The following EML6 variants were observed in gnomAD, a reference collection of about 807,000 sequenced individuals.
EML6 encodes the protein echinoderm microtubule-associated protein-like 6.
Under a neutral mutation model 240.1 loss-of-function variants are expected in EML6, and 154 were observed. The observed-to-expected ratio is 0.64, with a 90% CI of 0.56 to 0.73. The LOEUF (loss-of-function observed/expected upper bound fraction) is 0.73. Ranked by LOEUF, EML6 falls within the 30% of genes least tolerant of loss-of-function variation. EML6 has a pLI of 0.00. For missense variants in EML6, 2,964 were observed against 2,474.6 expected (o/e 1.20, Z -4.20); for synonymous variants, 1,148 against 899.0 (o/e 1.28, Z -4.95).
chr2:54,756,307 T>C (rs553883324), intron 2 of EML6, among the ~76,000 whole-genome samples: 1 of 152,350 alleles, frequency 6.6e-6, no homozygotes, highest in South Asian at 2.1e-4. Context: ...TCGACTGTGC[T>C]CTTTAATTTT....
At chr2:54,750,330 C>A (rs1473487078) in intron 2 of EML6, among the ~76,000 whole-genome samples, 1 of 152,204 alleles carries the variant, frequency 6.6e-6, no homozygotes, top group African/African-American at 2.4e-5. Flanking sequence ...ACTCACCAGC[C>A]AGTCTACAGC....
At chr2:54,936,397 A>T (rs933019927) in intron 28 of EML6, among the ~76,000 whole-genome samples, 4 of 152,186 alleles carry the variant, frequency 2.6e-5, no homozygotes, top group Non-Finnish European at 5.9e-5. Flanking sequence ...ACATAGGTGG[A>T]TGTCCTCATT....
intron 2 of EML6, among the ~76,000 whole-genome samples, chr2:54,764,858 A>G (rs1466014801): frequency 6.6e-6 from 1 of 152,288 alleles, no homozygotes; most frequent in East Asian, 1.9e-4. Context: ...TCTATTTACA[A>G]AACTGCTTAT....
chr2:54,962,782 A>C (rs1676580220), intron 36 of EML6, 71 bp downstream of exon 36: 1 of 1,286,316 alleles, frequency 7.8e-7, no homozygotes. Flanking sequence ...GAGCGAGGAG[A>C]GGCCCAGCCA....
intron 17 of EML6, among the ~76,000 whole-genome samples, chr2:54,883,151 C>G (rs990814391): frequency 1.3e-5 from 2 of 151,990 alleles, no homozygotes; most frequent in East Asian, 1.9e-4. Flanking sequence ...GGAAAATCAT[C>G]TATAATTCCA....
Position 54,725,351 on chromosome 2 carries a change from G to A in EML6, c.197+93G>A. ...ACCTGGGGTCGGATCCGGGAGCCCC[G>A]TGGAATAGAGGATTCTCTCTGGAGC... On this transcript the variant is annotated intron_variant, in intron 2 of 41. Coordinates refer to ENST00000356458, the MANE Select transcript of EML6 (RefSeq NM_001039753.4). The surrounding 1 kb of genome is among the most constrained non-coding windows in gnomAD (Gnocchi z 4.3). 1 of 931,786 alleles carries A rather than the reference G, an allele frequency of 1.1e-6. No individual in the cohort carries two copies. Among genetic ancestry groups the A allele is most frequent in the South Asian group, 2.1e-5 (1 of 47,570 alleles). 57.7% of individuals were successfully genotyped at this position (931,786 alleles called of 1,614,324 possible). A position where few individuals can be genotyped will look rare whatever the true frequency, so the allele number is the denominator to read the frequency against.
intron 26 of EML6, among the ~76,000 whole-genome samples, chr2:54,917,520 G>C (rs989307485): frequency 6.6e-6 from 1 of 151,832 alleles, no homozygotes; most frequent in Admixed American, 6.6e-5. Context: ...CTGCCAGCAC[G>C]CCAGACTAAT....
In EML6 at chr2:54,823,896, C is replaced by A. The variant is rs543840449; in HGVS notation, c.525+3434C>A. ...TCTCTCTTTCTGTCTCTCTCTCTCT[C>A]TCTCAGAGAGAGATCACTACCTCCT... On this transcript the variant is annotated intron_variant, in intron 5 of 41. Coordinates refer to ENST00000356458, the MANE Select transcript of EML6 (RefSeq NM_001039753.4). Among the ~76,000 whole-genome samples the A allele has an allele frequency of 1.1e-4, 16 of 149,386 alleles. 1 individual carries two copies. The South Asian group carries it at 3.4e-3, about 32-fold the overall frequency.
intron 2 of EML6, among the ~76,000 whole-genome samples, chr2:54,807,527 A>G (rs1490874403): frequency 6.6e-6 from 1 of 152,180 alleles, no homozygotes; most frequent in Non-Finnish European, 1.5e-5. Context: ...AGTGATTTCC[A>G]TGATGTAAAT....
chr2:54,774,026 A>G lies in EML6; in HGVS notation c.198-39206A>G, dbSNP rs901213106. Among the ~76,000 whole-genome samples the G allele has an allele frequency of 3.9e-5, 6 of 152,202 alleles. No homozygotes were observed. Among genetic ancestry groups the G allele is most frequent in the African/African-American group, 1.4e-4 (6 of 41,436 alleles). ...CCTTCATGTCTGCATTCCAGCCAGC[A>G]GGAGGAGAAAGAGGGGCACTGCTAA... is the stretch of plus-strand genomic sequence containing the variant. On this transcript the variant is annotated intron_variant, in intron 2 of 41. Transcript: ENST00000356458. This position sits in a 1 kb window ranked among gnomAD's most constrained non-coding sequence, Gnocchi z 4.1.
At chr2:54,799,788 G>A (rs1257352663) in intron 2 of EML6, among the ~76,000 whole-genome samples, 1 of 152,196 alleles carries the variant, frequency 6.6e-6, no homozygotes, top group Non-Finnish European at 1.5e-5. Context: ...ATTGAGATTG[G>A]AGAGGTAAAA....
chr2:54,856,354 A>C (rs146843872), intron 11 of EML6, among the ~76,000 whole-genome samples: 9 of 152,244 alleles, frequency 5.9e-5, no homozygotes, highest in Admixed American at 3.9e-4. Flanking sequence ...CTCCAATGGG[A>C]GACTCAGAGG....
intron 3 of EML6, 129 bp downstream of exon 3, chr2:54,813,520 T>G: frequency 1.2e-6 from 1 of 800,042 alleles, no homozygotes; most frequent in East Asian, 2.7e-5. Flanking sequence ...CTCCTAGAAT[T>G]TTTCACCTGT....
At chr2:54,786,724 G>A (rs1669115716) in intron 2 of EML6, among the ~76,000 whole-genome samples, 1 of 152,184 alleles carries the variant, frequency 6.6e-6, no homozygotes, top group African/African-American at 2.4e-5. Context: ...ATTCCCAGAT[G>A]CTCGAGTTTC....
rs184756208 is a variant in EML6, at chr2:54,750,154, C to T, written c.197+24896C>T. Among the ~76,000 whole-genome samples the T allele has an allele frequency of 2.2e-3, 336 of 152,354 alleles. 1 individual carries two copies. Among genetic ancestry groups the T allele is most frequent in the Middle Eastern group, 0.014 (4 of 294 alleles). ...GCACTGTCCACAATACCCCCTTGGC[C>T]TGGCTGCCCAGCCTGAGGGCCCGAT... is the stretch of plus-strand genomic sequence containing the variant. On this transcript the variant is annotated intron_variant, in intron 2 of 41. Coordinates refer to ENST00000356458, the MANE Select transcript of EML6 (RefSeq NM_001039753.4).
intron 2 of EML6, among the ~76,000 whole-genome samples, chr2:54,783,086 C>T (rs6704882): frequency 0.013 from 1,997 of 152,186 alleles, 36 homozygotes; most frequent in African/African-American, 0.04. Flanking sequence ...GGTATGTATG[C>T]GTGCATATAT....
intron 20 of EML6, 71 bp downstream of exon 20, chr2:54,895,097 A>G (rs896622148): frequency 4.0e-5 from 55 of 1,372,416 alleles, no homozygotes; most frequent in Non-Finnish European, 5.1e-5. Context: ...TAAAGTTTTT[A>G]GAAAACTATT....
intron 32 of EML6, among the ~76,000 whole-genome samples, chr2:54,956,067 C>T (rs1190528040): frequency 6.6e-6 from 1 of 151,936 alleles, no homozygotes; most frequent in Non-Finnish European, 1.5e-5. Flanking sequence ...TAAAAATGAG[C>T]TTATTACATA....
At chr2:54,879,460 G>T (rs1410745273) in intron 16 of EML6, 87 bp from the exon 17 acceptor site, 5 of 832,976 alleles carry the variant, frequency 6.0e-6, no homozygotes, top group Non-Finnish European at 9.8e-6. Context: ...CAGTTCTTAA[G>T]ATCAGTTACT....
Sources: gnomAD v4.1 joint callset for allele counts (sites outside exome capture counted in the v4.1 genomes callset) on GRCh38, gnomAD v4.1.1 for gene constraint, Gnocchi (gnomAD v3.1) non-coding constraint, MANE v1.5 for transcripts, NCBI Gene and HGNC (gene_info 2026-07-23, HGNC 2026-07-21) for gene names.